SPATS1: variants seen among roughly 807,000 people sequenced by gnomAD.
SPATS1 encodes the protein spermatogenesis associated serine rich 1.
In SPATS1, 23 loss-of-function variants were observed where a neutral mutation model predicts 33.6. The observed-to-expected ratio is 0.68, with a 90% CI of 0.49 to 0.97. The LOEUF (loss-of-function observed/expected upper bound fraction) is 0.97, where lower values mean the gene tolerates loss of function less well. SPATS1 is among the 50% of genes least tolerant of loss of function. The pLI is 0.00. For synonymous variants in SPATS1, 131 were observed against 125.6 expected (o/e 1.04, Z -0.29); for missense variants, 327 against 361.0 (o/e 0.91, Z 0.76).
intron 2 of SPATS1, among the ~76,000 whole-genome samples, chr6:44,351,363 C>T (rs1181476873): frequency 2.0e-5 from 3 of 151,962 alleles, no homozygotes; most frequent in African/African-American, 4.8e-5. Context: ...TTTTGTATTG[C>T]GGGGGTCCTG....
chr6:44,355,677 T>G (rs893655821), intron 3 of SPATS1, among the ~76,000 whole-genome samples: 1 of 152,226 alleles, frequency 6.6e-6, no homozygotes, highest in African/African-American at 2.4e-5. Flanking sequence ...CAGTTAAAGT[T>G]AAGGGAAGTT....
At chr6:44,343,532 G>A (rs746758680) in intron 2 of SPATS1, 5 of 509,758 alleles carry the variant, frequency 9.8e-6, no homozygotes, top group African/African-American at 1.9e-5. Flanking sequence ...CAGTGCTTGG[G>A]TTAATAAAAG....
chr6:44,366,178 G>T (rs1301353293), intron 5 of SPATS1, among the ~76,000 whole-genome samples: 1 of 150,654 alleles, frequency 6.6e-6, no homozygotes, highest in Non-Finnish European at 1.5e-5. Context: ...AGGCTGGAGT[G>T]CAATGGTGCG....
intron 2 of SPATS1, chr6:44,343,657 A>T: frequency 2.7e-6 from 1 of 374,438 alleles, no homozygotes; most frequent in Non-Finnish European, 5.2e-6. Flanking sequence ...GTCATTGTTT[A>T]TTGGATGGGA....
At chr6:44,357,085 A>G (rs1788632835) in intron 3 of SPATS1, among the ~76,000 whole-genome samples, 1 of 152,144 alleles carries the variant, frequency 6.6e-6, no homozygotes, top group South Asian at 2.1e-4. Flanking sequence ...GATAAAAAAG[A>G]GTCCCCCTTC....
rs1790084929 is a variant in SPATS1, at chr6:44,378,870, C to A, written c.*1807C>A. The A allele has an allele frequency of 6.6e-6, 1 of 152,250 alleles. No homozygotes were observed. Among genetic ancestry groups the A allele is most frequent in the Non-Finnish European group, 1.5e-5 (1 of 68,084 alleles). 9.4% of individuals were successfully genotyped at this position (152,250 alleles called of 1,614,324 possible). On this transcript the variant is annotated 3_prime_UTR_variant, in exon 9 of 9. Coordinates refer to ENST00000674044, the MANE Select transcript of SPATS1 (RefSeq NM_001372081.1). ...AGAGCATGGTGCCGACTGCCAGCTG[C>A]TGTGCCTGACCACTCCTTGGGTTAA... is the stretch of plus-strand genomic sequence containing the variant.
At chr6:44,361,574 TA>T in intron 4 of SPATS1, 1 of 979,068 alleles carries the variant, frequency 1.0e-6, no homozygotes, top group Non-Finnish European at 1.2e-6. Flanking sequence ...AAGTTGGCTT[TA>T]TTTTTGAAGG....
intron 7 of SPATS1, among the ~76,000 whole-genome samples, chr6:44,371,806 G>A (rs9472269): frequency 6.6e-6 from 1 of 151,564 alleles, no homozygotes; most frequent in East Asian, 1.9e-4. Flanking sequence ...TTAGCTGGGC[G>A]TGGTGGCAGG....
At chr6:44,372,211 G>A (rs866895282) in intron 7 of SPATS1, among the ~76,000 whole-genome samples, 32 of 144,802 alleles carry the variant, frequency 2.2e-4, no homozygotes, top group African/African-American at 7.0e-4. Context: ...CCAAGATCAC[G>A]CCACTGCACT....
chr6:44,346,084 C>A (rs1024093282), intron 2 of SPATS1, among the ~76,000 whole-genome samples: 1 of 152,062 alleles, frequency 6.6e-6, no homozygotes, highest in Non-Finnish European at 1.5e-5. Context: ...AGTTTGAGAG[C>A]AGCCTGGGCA....
At chr6:44,360,627 G>C (rs1788858143) in intron 4 of SPATS1, 57 bp downstream of exon 4, 8 of 1,599,620 alleles carry the variant, frequency 5.0e-6, no homozygotes, top group Non-Finnish European at 6.0e-6. Flanking sequence ...TCAGAAGTCT[G>C]CCATACTGTT....
At chr6:44,374,090 C>T (rs1789787457) in intron 7 of SPATS1, among the ~76,000 whole-genome samples, 1 of 152,210 alleles carries the variant, frequency 6.6e-6, no homozygotes, top group South Asian at 2.1e-4. Context: ...TGAGGCATTG[C>T]AGTTAATGTA....
intron 5 of SPATS1, among the ~76,000 whole-genome samples, chr6:44,366,716 T>C (rs1331521599): frequency 2.0e-5 from 3 of 152,202 alleles, no homozygotes; most frequent in Non-Finnish European, 4.4e-5. Context: ...CTCAGCTATA[T>C]AGCAATCGTA....
In SPATS1 at chr6:44,361,842, CGT is replaced by C; in HGVS notation, c.425_426del (p.Arg142ProfsTer2). ...CTGGTGTATTGCAGAAGATGGGCATCGTCCTGAGTGGACATTTTACCCAAGGT... is the reference window on the plus strand; with the variant it reads ...CTGGTGTATTGCAGAAGATGGGCATCCCTGAGTGGACATTTTACCCAAGGT... The part of the protein sequence containing the change: ...LLKLQTKDGH[R>X]PEWTFYPRFS... On this transcript the variant is annotated frameshift_variant, in exon 5 of 9. Coordinates refer to ENST00000674044, the MANE Select transcript of SPATS1 (RefSeq NM_001372081.1). LOFTEE classifies it high-confidence loss of function. 2 of 1,614,206 alleles carry C rather than the reference CGT, an allele frequency of 1.2e-6. No homozygotes were observed. The highest frequency in any genetic ancestry group is 1.7e-6 in the Non-Finnish European group (2 of 1,180,042).
At chr6:44,361,425 T>C (rs1186495172) in intron 4 of SPATS1, 4 of 985,246 alleles carry the variant, frequency 4.1e-6, no homozygotes, top group East Asian at 1.1e-4. Context: ...TGAGGTGCCA[T>C]GTGGATGGCA....
chr6:44,376,501 T>G (rs369681383), intron 8 of SPATS1, 28 bp downstream of exon 8: 1 of 1,524,050 alleles, frequency 6.6e-7, no homozygotes, highest in East Asian at 2.3e-5. Flanking sequence ...CAAAGAATAG[T>G]GTAAAAACTG....
chr6:44,369,233 C>T (rs11961973), intron 6 of SPATS1, among the ~76,000 whole-genome samples: 83,894 of 151,954 alleles, frequency 0.55, 24,822 homozygotes, highest in Non-Finnish European at 0.67. Flanking sequence ...ATGATGTTGA[C>T]TAAAAATGAT....
chr6:44,357,705 T>C (rs1038742684), intron 3 of SPATS1, among the ~76,000 whole-genome samples: 2 of 152,220 alleles, frequency 1.3e-5, no homozygotes, highest in African/African-American at 4.8e-5. Context: ...TTTTTAAACA[T>C]TTTAACACAA....
rs571680001 is a variant in SPATS1, at chr6:44,343,228, A to G, written c.133A>G (p.Thr45Ala). ...CTCTGGCATGACCGAGGTGGAGAGG[A>G]CCTACAGTTGAGTTCTAAGAAATCC... The part of the protein sequence containing the change: ...RDSGMTEVER[T>A]YSANCSDFLE... Residue 45 changes from threonine to alanine, a missense_variant, in exon 2 of 9, where the codon ACC (threonine) becomes GCC (alanine). Thr to Ala is a moderately conservative substitution (Grantham distance 58). Transcript: ENST00000674044. 2.0e-5 allele frequency: 33 copies of G among 1,613,270 alleles called. No homozygotes were observed. The South Asian group carries it at 3.5e-4, about 17-fold the overall frequency.
Sources: allele counts gnomAD v4.1 joint callset (sites outside exome capture counted in the v4.1 genomes callset), GRCh38; gene constraint gnomAD v4.1.1; transcripts MANE v1.5; gene names NCBI Gene and HGNC (gene_info 2026-07-23, HGNC 2026-07-21).